DCPH1: variants seen among roughly 807,000 people sequenced by gnomAD.
The protein encoded by DCPH1 is damage control phosphatase 1, also known as damage-control phosphatase 1.
the DCPH1 span, chr6:151,468,469 C>T: frequency 6.2e-7 from 1 of 1,613,574 alleles, no homozygotes; most frequent in Non-Finnish European, 8.5e-7. Context: ...TATGGAACAT[C>T]TTTGGTCATT....
At chr6:151,464,844 CT>C in the DCPH1 span, among the ~76,000 whole-genome samples, 1 of 152,178 alleles carries the variant, frequency 6.6e-6, no homozygotes, top group Admixed American at 6.5e-5. Flanking sequence ...GACTTCCTAG[CT>C]TCTGTCATAC....
At chr6:151,466,570 G>C in the DCPH1 span, among the ~76,000 whole-genome samples, 76 of 152,292 alleles carry the variant, frequency 5.0e-4, no homozygotes, top group African/African-American at 1.6e-3. Flanking sequence ...CGTTTTCAGA[G>C]AATGTTGATC....
chr6:151,460,555 G>A, the DCPH1 span, among the ~76,000 whole-genome samples: 11 of 151,800 alleles, frequency 7.2e-5, no homozygotes, highest in African/African-American at 2.2e-4. Context: ...GGAGGCCGAG[G>A]CAGGCAGATC....
At chr6:151,469,249 G>A in the DCPH1 span, 1 of 612,000 alleles carries the variant, frequency 1.6e-6, no homozygotes, top group East Asian at 2.9e-5. Flanking sequence ...CCATCTACGT[G>A]CACTGGATGA....
At chr6:151,454,509 ATGC>A in the DCPH1 span, 10 of 951,022 alleles carry the variant, frequency 1.1e-5, no homozygotes, top group South Asian at 4.1e-5. Context: ...TCTAGTATTG[ATGC>A]TGCTAAGTTA....
the DCPH1 span, among the ~76,000 whole-genome samples, chr6:151,455,772 TG>T: frequency 6.6e-6 from 1 of 152,230 alleles, no homozygotes; most frequent in African/African-American, 2.4e-5. Context: ...GGTGTCGGGC[TG>T]GGGGACGGTC....
the DCPH1 span, among the ~76,000 whole-genome samples, chr6:151,459,452 G>C: frequency 6.6e-6 from 1 of 152,064 alleles, no homozygotes; most frequent in Non-Finnish European, 1.5e-5. Context: ...CTTTTTCTAG[G>C]CTTGTTTATA....
chr6:151,452,706 C>T, the DCPH1 span: 7 of 1,071,028 alleles, frequency 6.5e-6, no homozygotes, highest in Non-Finnish European at 9.3e-6. Context: ...CGCCGCCGGG[C>T]GCGGCTTTCC....
chr6:151,452,582 G>C, the DCPH1 span: 1 of 1,610,474 alleles, frequency 6.2e-7, no homozygotes, highest in African/African-American at 1.3e-5. Context: ...AGGACAGGAC[G>C]TGGGGTTAGT....
At chr6:151,467,112 C>T in the DCPH1 span, among the ~76,000 whole-genome samples, 2 of 151,690 alleles carry the variant, frequency 1.3e-5, no homozygotes, top group Admixed American at 1.3e-4. Context: ...ATTAGCCAGG[C>T]GTGGTGGTGG....
At chr6:151,469,217 G>C in the DCPH1 span, 1 of 902,242 alleles carries the variant, frequency 1.1e-6, no homozygotes, top group Non-Finnish European at 1.6e-6. Context: ...TACGCGCTCA[G>C]GGAAGCTTAG....
the DCPH1 span, among the ~76,000 whole-genome samples, chr6:151,453,153 G>C: frequency 6.6e-6 from 1 of 152,132 alleles, no homozygotes. Context: ...AATAAACCTG[G>C]GCAGAAAGTA....
At chr6:151,466,119 A>G in the DCPH1 span, among the ~76,000 whole-genome samples, 675 of 152,266 alleles carry the variant, frequency 4.4e-3, 4 homozygotes, top group African/African-American at 0.015. Flanking sequence ...GGGTTTCGCC[A>G]TGTTGGCCAG....
the DCPH1 span, among the ~76,000 whole-genome samples, chr6:151,461,979 C>T: frequency 6.6e-6 from 1 of 152,154 alleles, no homozygotes; most frequent in African/African-American, 2.4e-5. Flanking sequence ...TTAGGTTCTT[C>T]TATGGGGGAT....
the DCPH1 span, among the ~76,000 whole-genome samples, chr6:151,453,563 G>A: frequency 6.6e-6 from 1 of 152,192 alleles, no homozygotes; most frequent in African/African-American, 2.4e-5. Context: ...CACAGAGTCG[G>A]AAAGTGTGTG....
the DCPH1 span, chr6:151,468,409 A>G: frequency 6.2e-7 from 1 of 1,600,520 alleles, no homozygotes; most frequent in South Asian, 1.1e-5. Context: ...TCAGAATACC[A>G]ATGTACTAAA....
the DCPH1 span, chr6:151,452,478 C>A: frequency 1.9e-6 from 3 of 1,567,680 alleles, no homozygotes; most frequent in Non-Finnish European, 2.6e-6. Flanking sequence ...TCCTCCTTCG[C>A]GGCGGTACCG....
chr6:151,456,135 T>A, the DCPH1 span, among the ~76,000 whole-genome samples: 2 of 152,246 alleles, frequency 1.3e-5, no homozygotes, highest in African/African-American at 4.8e-5. Flanking sequence ...TATGTCTACT[T>A]CTTTCTACAC....
At chr6:151,463,702 A>G in the DCPH1 span, among the ~76,000 whole-genome samples, 7 of 152,184 alleles carry the variant, frequency 4.6e-5, no homozygotes, top group Non-Finnish European at 8.8e-5. Flanking sequence ...TTTTACCCTA[A>G]CATGAATGAC....
Sources: gnomAD v4.1 joint callset for allele counts (sites outside exome capture counted in the v4.1 genomes callset) on GRCh38, gnomAD v4.1.1 for gene constraint, MANE v1.5 for transcripts, NCBI Gene and HGNC (gene_info 2026-07-23, HGNC 2026-07-21) for gene names.